The following EPHA4 variants were observed in gnomAD, a reference collection of about 807,000 sequenced individuals.
EPHA4 encodes the protein ephrin type-A receptor 4.
EPHA4 carries 19 observed loss-of-function variants against 108.3 expected under a neutral mutation model. That is an observed-to-expected ratio of 0.18 (90% CI 0.12 to 0.26). EPHA4 has a LOEUF of 0.26. Ranked by LOEUF, EPHA4 falls within the 10% of genes least tolerant of loss-of-function variation. The pLI, the probability that EPHA4 is intolerant of heterozygous loss-of-function variation, is 1.00. For missense variants in EPHA4, 917 were observed against 1,254.0 expected (o/e 0.73, Z 4.06); for synonymous variants, 449 against 455.5 (o/e 0.99, Z 0.18).
At chr2:221,536,446 C>G (rs1289938256) in intron 3 of EPHA4, among the ~76,000 whole-genome samples, 1 of 152,236 alleles carries the variant, frequency 6.6e-6, no homozygotes, top group Non-Finnish European at 1.5e-5. Context: ...ATGCTCTGCA[C>G]TAGACCCTGG....
In EPHA4 at chr2:221,442,971, G is replaced by A. The variant is rs1476062523; in HGVS notation, c.1932C>T (p.Gly644=). ...TGATAGCCACACAGATCTCTCTCTT[G>A]CCAGGCACTTTGAGACGCCCACTGC... ...EVCSGRLKVP[G]KREICVAIKT... The change falls in exon 11 of 18, where the codon GGC becomes GGT. Residue 644 remains glycine, a synonymous_variant. Coordinates refer to ENST00000281821, the MANE Select transcript of EPHA4 (RefSeq NM_004438.5). The A allele has an allele frequency of 3.1e-6, 5 of 1,614,044 alleles. No individual in the cohort carries two copies. In the South Asian group the frequency reaches 5.5e-5, roughly 18 times the overall value.
rs762833404 is a variant in EPHA4 at position 221,429,952 on chromosome 2, G to T, written c.2690+6C>A. 7 of 1,613,514 alleles carry T rather than the reference G, an allele frequency of 4.3e-6. No homozygotes were observed. Among genetic ancestry groups the T allele is most frequent in the Non-Finnish European group, 5.9e-6 (7 of 1,179,840 alleles). Reference sequence around the variant, plus strand: ...CATACATCACTATTAAGTAAGCATGGCTGACCTGGAGCTCTCCGTCCCTGT... The same window carrying T: ...CATACATCACTATTAAGTAAGCATGTCTGACCTGGAGCTCTCCGTCCCTGT... On this transcript the variant is annotated splice_donor_region_variant and intron_variant, in intron 15 of 17. Transcript: ENST00000281821.
intron 8 of EPHA4, among the ~76,000 whole-genome samples, chr2:221,448,877 T>C (rs1283278980): frequency 4.6e-5 from 7 of 152,162 alleles, no homozygotes; most frequent in African/African-American, 1.7e-4. Flanking sequence ...TAGAAACCCA[T>C]GGCCTGAAGC....
At position 221,526,622 on chromosome 2, in the gene EPHA4, G is replaced by A. The variant is rs373970794; in HGVS notation, c.824-25450C>T. ...AGCACTTTGGGAGGCCGAGGTGGGCGGGTCTCTTGAGGTCAGGAGTTCCAG... is the reference window on the plus strand; with the variant it reads ...AGCACTTTGGGAGGCCGAGGTGGGCAGGTCTCTTGAGGTCAGGAGTTCCAG... On this transcript the variant is annotated intron_variant, in intron 3 of 17. Coordinates refer to ENST00000281821, the MANE Select transcript of EPHA4 (RefSeq NM_004438.5). Among the ~76,000 whole-genome samples the A allele has an allele frequency of 1.4e-4, 22 of 151,854 alleles. No homozygotes were observed. The East Asian group carries it at 3.7e-3, about 25-fold the overall frequency.
Position 221,501,148 on chromosome 2 carries a change from G to A in EPHA4, c.848C>T (p.Ala283Val). The A allele has an allele frequency of 6.2e-7, 1 of 1,607,244 alleles. No individual in the cohort carries two copies. Among genetic ancestry groups the A allele is most frequent in the Non-Finnish European group, 8.5e-7 (1 of 1,177,486 alleles). The change falls in exon 4 of 18, where the codon GCT becomes GTT. Residue 283 changes from alanine to valine, a missense_variant. By Grantham distance (64) the Ala-to-Val change is moderately conservative. Transcript: ENST00000281821. The stretch of plus-strand genomic sequence containing the variant: ...GGCACAGGTGGCATCCGTGGAGAGA[G>A]CCTTGTAATATCCAATTTTGCAAGC... ...CQACKIGYYK[A>V]LSTDATCAKC...
intron 3 of EPHA4, among the ~76,000 whole-genome samples, chr2:221,559,102 T>C (rs1694382399): frequency 6.6e-6 from 1 of 152,252 alleles, no homozygotes; most frequent in African/African-American, 2.4e-5. Flanking sequence ...TTAAAACCAT[T>C]GGAACATTTC....
upstream of EPHA4, chr2:221,572,494 C>A (rs1363012738): frequency 7.0e-5 from 18 of 257,280 alleles, no homozygotes; most frequent in Non-Finnish European, 2.0e-5. Context: ...TCTCCCGGGG[C>A]TCTAGGGGGC....
Position 221,436,517 on chromosome 2 carries a change from A to T in EPHA4, c.2228T>A (p.Val743Glu). The T allele has an allele frequency of 6.2e-7, 1 of 1,614,188 alleles. No homozygotes were observed. Among genetic ancestry groups the T allele is most frequent in the Non-Finnish European group, 8.5e-7 (1 of 1,180,026 alleles). The part of the protein sequence containing the change: ...GMKYLSDMSY[V>E]HRDLAARNIL... The stretch of plus-strand genomic sequence containing the variant: ...GTTCCGTGCGGCCAGATCACGATGC[A>T]CATAGCTCATATCAGATAAATACTT... Residue 743 changes from valine to glutamate, a missense_variant, in exon 13 of 18, where the codon GTG becomes GAG. Val to Glu is a moderately radical substitution (Grantham distance 121, BLOSUM62 -2). This residue lies in a region of EPHA4 where 758 missense variants were observed against 1,076.7 expected (regional missense o/e 0.70). Transcript: ENST00000281821.
intron 14 of EPHA4, among the ~76,000 whole-genome samples, chr2:221,430,674 A>T (rs1246114067): frequency 6.6e-6 from 1 of 152,082 alleles, no homozygotes; most frequent in Non-Finnish European, 1.5e-5. Flanking sequence ...CCAAGTCCAG[A>T]CGCCCAGCCA....
At chr2:221,545,771 A>T (rs1445453318) in intron 3 of EPHA4, among the ~76,000 whole-genome samples, 1 of 152,114 alleles carries the variant, frequency 6.6e-6, no homozygotes, top group East Asian at 1.9e-4. Flanking sequence ...CAGTACACAC[A>T]TTCACATACA....
At chr2:221,545,797 C>A (rs1341571948) in intron 3 of EPHA4, among the ~76,000 whole-genome samples, 1 of 152,170 alleles carries the variant, frequency 6.6e-6, no homozygotes, top group Non-Finnish European at 1.5e-5. Context: ...CACCCGCACA[C>A]AATGTGTCCC....
rs185402660 is a variant in EPHA4, at chr2:221,550,252, A to C, written c.823+13479T>G. On this transcript the variant is annotated intron_variant, in intron 3 of 17. Transcript: ENST00000281821. ...TAGCAAATATAGAGAAAAGTGCCCC[A>C]ATTCAAAGTGCACAGTCCAGAGCCA... 5.9e-5 allele frequency among the ~76,000 whole-genome samples: 9 copies of C among 152,328 alleles called. No individual in the cohort carries two copies. The East Asian group carries it at 1.7e-3, about 29-fold the overall frequency.
chr2:221,565,223 A>G (rs1694593512), intron 2 of EPHA4, among the ~76,000 whole-genome samples: 1 of 152,224 alleles, frequency 6.6e-6, no homozygotes, highest in Admixed American at 6.5e-5. Context: ...AAGAAAATGA[A>G]AGGAGATGGT....
At chr2:221,504,539 TTATA>T (rs10556912) in intron 3 of EPHA4, among the ~76,000 whole-genome samples, 5,120 of 148,140 alleles carry the variant, frequency 0.035, 219 homozygotes, top group African/African-American at 0.1. Context: ...TTTGAAAATT[TTATA>T]TATATATATA....
chr2:221,543,611 A>G (rs192911757), intron 3 of EPHA4, among the ~76,000 whole-genome samples: 20 of 152,340 alleles, frequency 1.3e-4, no homozygotes, highest in Admixed American at 1.2e-3. Context: ...AAGGCTTTCT[A>G]TGCTGTACTT....
Position 221,426,017 on chromosome 2 carries a change from T to G in EPHA4, c.*11A>C, listed in dbSNP as rs1211208258. 2 of 1,611,836 alleles carry G rather than the reference T, an allele frequency of 1.2e-6. No homozygotes were observed. Among genetic ancestry groups the G allele is most frequent in the African/African-American group, 2.7e-5 (2 of 74,880 alleles). Reference sequence around the variant, plus strand: ...CTAATTTCAAGAGTTTTGAGTTTATTCAGTACTGGCTCAGACGGGAACCAT... The same window carrying G: ...CTAATTTCAAGAGTTTTGAGTTTATGCAGTACTGGCTCAGACGGGAACCAT... On this transcript the variant is annotated 3_prime_UTR_variant, in exon 17 of 18. Coordinates refer to ENST00000281821, the MANE Select transcript of EPHA4 (RefSeq NM_004438.5).
intron 17 of EPHA4, among the ~76,000 whole-genome samples, chr2:221,422,397 C>A (rs1689785180): frequency 6.6e-6 from 1 of 152,196 alleles, no homozygotes; most frequent in Non-Finnish European, 1.5e-5. Flanking sequence ...ACTAGAAATT[C>A]TTAAAGGAGA....
chr2:221,533,559 A>G (rs923808634), intron 3 of EPHA4, among the ~76,000 whole-genome samples: 2 of 152,068 alleles, frequency 1.3e-5, no homozygotes, highest in Non-Finnish European at 2.9e-5. Context: ...TGTGACTCCT[A>G]AAGTCAATAC....
At chr2:221,541,241 T>C (rs1693831310) in intron 3 of EPHA4, among the ~76,000 whole-genome samples, 2 of 152,160 alleles carry the variant, frequency 1.3e-5, no homozygotes, top group African/African-American at 4.8e-5. Flanking sequence ...TATGCCACTT[T>C]GCCTGGACTG....
Sources: gnomAD v4.1 joint callset for allele counts (sites outside exome capture counted in the v4.1 genomes callset) on GRCh38, gnomAD v4.1.1 for gene constraint, gnomAD v4.1.1 regional missense constraint, MANE v1.5 for transcripts, NCBI Gene and HGNC (gene_info 2026-07-23, HGNC 2026-07-21) for gene names.